Variants in NFIB observed in about 807,000 individuals in gnomAD.
The protein encoded by NFIB is nuclear factor I B.
Under a neutral mutation model 61.5 loss-of-function variants are expected in NFIB, and 11 were observed. The ratio of observed to expected loss-of-function variants is 0.18; its 90% CI spans 0.11 to 0.30. The LOEUF (loss-of-function observed/expected upper bound fraction) is 0.30. NFIB is among the 10% of genes least tolerant of loss of function. The probability of loss-of-function intolerance (pLI) is 1.00; values close to 1 mark genes in which losing one functional copy is unlikely to be tolerated. For missense variants in NFIB, 471 were observed against 608.9 expected, an observed-to-expected ratio of 0.77 and a Z score of 2.38; for synonymous variants, 260 against 216.5, an observed-to-expected ratio of 1.20 and a Z score of -1.76.
intron 2 of NFIB, among the ~76,000 whole-genome samples, chr9:14,230,832 G>C (rs1284575515): frequency 1.3e-5 from 2 of 152,018 alleles, no homozygotes; most frequent in African/African-American, 4.8e-5. Flanking sequence ...CTTTCACAAT[G>C]TGCAAAGAAT....
intron 2 of NFIB, among the ~76,000 whole-genome samples, chr9:14,259,989 G>C (rs1391358313): frequency 6.6e-6 from 1 of 152,170 alleles, no homozygotes. Context: ...TGAGAAGTAG[G>C]CCTCCAATAC....
intron 2 of NFIB, among the ~76,000 whole-genome samples, chr9:14,213,128 A>C (rs1359138211): frequency 6.6e-6 from 1 of 152,202 alleles, no homozygotes; most frequent in Non-Finnish European, 1.5e-5. Context: ...ATAGCATATA[A>C]TTACACCTTT....
intron 1 of NFIB, among the ~76,000 whole-genome samples, chr9:14,322,655 G>C (rs1161718085): frequency 1.4e-5 from 2 of 147,214 alleles, no homozygotes; most frequent in African/African-American, 2.5e-5. Context: ...CGGCGGGAAG[G>C]AAACCGAAAG....
intron 1 of NFIB, among the ~76,000 whole-genome samples, chr9:14,363,821 T>C (rs2061269482): frequency 6.6e-6 from 1 of 152,114 alleles, no homozygotes; most frequent in South Asian, 2.1e-4. Context: ...AGCATGCCGT[T>C]TTCTATCTAG....
intron 2 of NFIB, among the ~76,000 whole-genome samples, chr9:14,210,687 ACTTCAAG>A (rs926618505): frequency 6.6e-6 from 1 of 152,048 alleles, no homozygotes; most frequent in African/African-American, 2.4e-5. Flanking sequence ...AAATAATAAA[ACTTCAAG>A]CAGAAGAGAT....
At chr9:14,305,478 A>G (rs1390310942) in intron 2 of NFIB, among the ~76,000 whole-genome samples, 3 of 152,228 alleles carry the variant, frequency 2.0e-5, no homozygotes, top group Non-Finnish European at 4.4e-5. Flanking sequence ...TGTGTTACTG[A>G]GTTTTATTTT....
chr9:14,433,887 T>C, the NFIB span, among the ~76,000 whole-genome samples: 359 of 152,326 alleles, frequency 2.4e-3, 2 homozygotes, highest in African/African-American at 7.3e-3. Flanking sequence ...GTTGTTTAGA[T>C]GTAATACAGC....
chr9:14,130,315 C>T (rs1161973118), intron 6 of NFIB, among the ~76,000 whole-genome samples: 1 of 152,036 alleles, frequency 6.6e-6, no homozygotes, highest in Non-Finnish European at 1.5e-5. Context: ...TTATGGCTTC[C>T]ATTAGGAGCA....
chr9:14,467,580 TA>T, the NFIB span, among the ~76,000 whole-genome samples: 1 of 152,232 alleles, frequency 6.6e-6, no homozygotes, highest in African/African-American at 2.4e-5. Flanking sequence ...ATCCATTCAA[TA>T]TTTATTATTT....
the NFIB span, among the ~76,000 whole-genome samples, chr9:14,529,821 C>T: frequency 6.6e-6 from 1 of 152,098 alleles, no homozygotes; most frequent in Admixed American, 6.5e-5. Flanking sequence ...AATTTTTAGC[C>T]TAATATTTTA....
the NFIB span, among the ~76,000 whole-genome samples, chr9:14,503,250 A>T: frequency 6.6e-6 from 1 of 151,986 alleles, no homozygotes; most frequent in Non-Finnish European, 1.5e-5. Context: ...TGCTATAAAC[A>T]TGTGTGTGCA....
chr9:14,477,221 C>G, the NFIB span, among the ~76,000 whole-genome samples: 1 of 151,936 alleles, frequency 6.6e-6, no homozygotes, highest in Non-Finnish European at 1.5e-5. Flanking sequence ...GACTGCTTAC[C>G]AAGTATGGGA....
intron 2 of NFIB, among the ~76,000 whole-genome samples, chr9:14,216,613 C>A (rs2050957362): frequency 6.8e-6 from 1 of 146,372 alleles, no homozygotes; most frequent in Admixed American, 6.9e-5. Context: ...GGGGGTAAGC[C>A]CCTACAAAAG....
At chr9:14,512,236 C>A in the NFIB span, among the ~76,000 whole-genome samples, 1 of 152,082 alleles carries the variant, frequency 6.6e-6, no homozygotes, top group African/African-American at 2.4e-5. Flanking sequence ...TTCTCAAACC[C>A]CAGGTACATG....
chr9:14,434,003 G>A, the NFIB span, among the ~76,000 whole-genome samples: 2 of 152,110 alleles, frequency 1.3e-5, no homozygotes, highest in Non-Finnish European at 2.9e-5. Flanking sequence ...ACCACTATAC[G>A]ATCACGGCAA....
At chr9:14,309,586 A>AC (rs1270215215) in intron 1 of NFIB, among the ~76,000 whole-genome samples, 1 of 152,212 alleles carries the variant, frequency 6.6e-6, no homozygotes, top group Non-Finnish European at 1.5e-5. Flanking sequence ...AAAGAGTTAA[A>AC]CCACAATCTG....
intron 2 of NFIB, among the ~76,000 whole-genome samples, chr9:14,300,545 T>C (rs2079858865): frequency 1.3e-5 from 2 of 152,228 alleles, no homozygotes; most frequent in Admixed American, 6.5e-5. Flanking sequence ...GCCCATAATT[T>C]TCAGGTATTT....
intron 1 of NFIB, among the ~76,000 whole-genome samples, chr9:14,375,659 C>CAA (rs527864761): frequency 7.1e-6 from 1 of 140,852 alleles, no homozygotes; most frequent in African/African-American, 2.6e-5. Flanking sequence ...AACTCCATCT[C>CAA]AAAAAAAAAA....
At chr9:14,233,462 C>G in intron 2 of NFIB, among the ~76,000 whole-genome samples, 1 of 132,506 alleles carries the variant, frequency 7.5e-6, no homozygotes, top group Non-Finnish European at 1.5e-5. Context: ...GAGTCTCACT[C>G]TGTCGCCCAG....
Sources: gnomAD v4.1 joint callset for allele counts (sites outside exome capture counted in the v4.1 genomes callset) on GRCh38, gnomAD v4.1.1 for gene constraint, MANE v1.5 for transcripts, NCBI Gene and HGNC (gene_info 2026-07-23, HGNC 2026-07-21) for gene names.